Variants in SGPP2 observed in about 807,000 individuals in gnomAD.
The protein encoded by SGPP2 is sphingosine-1-phosphate phosphatase 2.
In SGPP2, 30 loss-of-function variants were observed where a neutral mutation model predicts 33.9. The ratio of observed to expected loss-of-function variants is 0.89; its 90% CI spans 0.66 to 1.20. SGPP2 has a LOEUF of 1.20. Ranked by LOEUF, SGPP2 falls within the 50% of genes most tolerant of loss-of-function variation. The pLI is 0.00. For synonymous variants in SGPP2, 233 were observed against 225.0 expected, an observed-to-expected ratio of 1.04 and a Z score of -0.32; for missense variants, 458 against 532.1, an observed-to-expected ratio of 0.86 and a Z score of 1.37.
At chr2:222,461,016 A>T (rs1166307117) in intron 1 of SGPP2, among the ~76,000 whole-genome samples, 1 of 152,166 alleles carries the variant, frequency 6.6e-6, no homozygotes, top group Non-Finnish European at 1.5e-5. Flanking sequence ...CCTGCCTTCC[A>T]AAGTGCTGGG....
intron 2 of SGPP2, among the ~76,000 whole-genome samples, chr2:222,513,725 G>T (rs1698563285): frequency 6.6e-6 from 1 of 152,188 alleles, no homozygotes; most frequent in African/African-American, 2.4e-5. Context: ...AGAGGAGGAA[G>T]CAATGTGACC....
intron 1 of SGPP2, among the ~76,000 whole-genome samples, chr2:222,446,488 G>C (rs945511466): frequency 3.3e-5 from 5 of 152,220 alleles, no homozygotes; most frequent in Non-Finnish European, 7.3e-5. Flanking sequence ...TAGCTTTCTA[G>C]ATAATGTTTT....
intron 2 of SGPP2, among the ~76,000 whole-genome samples, chr2:222,498,061 G>C (rs1483607494): frequency 6.6e-6 from 1 of 152,076 alleles, no homozygotes; most frequent in Non-Finnish European, 1.5e-5. Context: ...GAGACCACAG[G>C]CTCCTGAGTT....
chr2:222,491,988 T>A (rs1217843326), intron 2 of SGPP2, among the ~76,000 whole-genome samples: 1 of 152,180 alleles, frequency 6.6e-6, no homozygotes, highest in Non-Finnish European at 1.5e-5. Context: ...AGCAGGGCAA[T>A]CATTAAATCT....
At chr2:222,539,339 T>C (rs1255365604) in intron 4 of SGPP2, among the ~76,000 whole-genome samples, 1 of 152,240 alleles carries the variant, frequency 6.6e-6, no homozygotes, top group African/African-American at 2.4e-5. Context: ...GAAACTGGTT[T>C]AGCATTGTTA....
At chr2:222,481,963 C>G (rs1698036523) in intron 2 of SGPP2, among the ~76,000 whole-genome samples, 1 of 152,126 alleles carries the variant, frequency 6.6e-6, no homozygotes, top group African/African-American at 2.4e-5. Flanking sequence ...TCTGATTATG[C>G]TGAAGCTCTG....
intron 2 of SGPP2, among the ~76,000 whole-genome samples, chr2:222,509,653 T>G (rs1046377009): frequency 6.6e-6 from 1 of 152,188 alleles, no homozygotes; most frequent in Non-Finnish European, 1.5e-5. Flanking sequence ...GAAATCAATA[T>G]GTGAAGGCAT....
intron 2 of SGPP2, among the ~76,000 whole-genome samples, chr2:222,493,333 G>A (rs747418127): frequency 3.3e-5 from 5 of 152,204 alleles, no homozygotes; most frequent in African/African-American, 1.2e-4. Context: ...GAGGAAGCAA[G>A]AGCAGGGAAA....
At chr2:222,497,261 T>TC (rs1157017453) in intron 2 of SGPP2, among the ~76,000 whole-genome samples, 1 of 149,562 alleles carries the variant, frequency 6.7e-6, no homozygotes, top group Non-Finnish European at 1.5e-5. Context: ...TTTTTTTTTT[T>TC]TTTTTTTTTT....
intron 2 of SGPP2, among the ~76,000 whole-genome samples, chr2:222,482,192 T>G (rs911686613): frequency 2.0e-5 from 3 of 152,166 alleles, no homozygotes. Context: ...TTCTTAGCTT[T>G]CAGAAACAGA....
chr2:222,546,858 C>T (rs533549436), intron 4 of SGPP2, among the ~76,000 whole-genome samples: 1 of 148,642 alleles, frequency 6.7e-6, no homozygotes, highest in East Asian at 2.0e-4. Flanking sequence ...ATGCCAGAAG[C>T]TCTGATGTGT....
rs1213095309 is a variant in SGPP2 at position 222,476,661 on chromosome 2, T to A, written c.378+1935T>A. Among the ~76,000 whole-genome samples, 1 of 151,980 alleles carries A rather than the reference T, an allele frequency of 6.6e-6. No homozygotes were observed. The highest frequency in any genetic ancestry group is 1.5e-5 in the Non-Finnish European group (1 of 67,964). On this transcript the variant is annotated intron_variant, in intron 2 of 4. Transcript: ENST00000321276. The surrounding 1 kb of genome is among the most constrained non-coding windows in gnomAD (Gnocchi z 4.3). Reference sequence around the variant, plus strand: ...CTATGGGCTTGAGTTTCTTTCCTACTGTCGTTTATTTTCTAAGATGTGTGT... The same window carrying A: ...CTATGGGCTTGAGTTTCTTTCCTACAGTCGTTTATTTTCTAAGATGTGTGT...
chr2:222,477,485 AG>A lies in SGPP2; in HGVS notation c.378+2761del, dbSNP rs1219175871. Among the ~76,000 whole-genome samples, 1 of 151,790 alleles carries A rather than the reference AG, an allele frequency of 6.6e-6. No individual in the cohort carries two copies. Among genetic ancestry groups the A allele is most frequent in the Non-Finnish European group, 1.5e-5 (1 of 67,928 alleles). On this transcript the variant is annotated intron_variant, in intron 2 of 4. Transcript: ENST00000321276. This position sits in a 1 kb window ranked among gnomAD's most constrained non-coding sequence, Gnocchi z 6.0. ...TATATGTGTATGCATGTGTGTATATAGGTGTGTATATATGTTTATGTGTATA... is the reference window on the plus strand; with the variant it reads ...TATATGTGTATGCATGTGTGTATATAGTGTGTATATATGTTTATGTGTATA...
intron 2 of SGPP2, among the ~76,000 whole-genome samples, chr2:222,493,386 T>C (rs1432399952): frequency 6.6e-6 from 1 of 152,160 alleles, no homozygotes; most frequent in Non-Finnish European, 1.5e-5. Flanking sequence ...ACTCACTCAC[T>C]ATCACGAGAA....
At chr2:222,468,369 G>C (rs1383535379) in intron 1 of SGPP2, among the ~76,000 whole-genome samples, 1 of 149,172 alleles carries the variant, frequency 6.7e-6, no homozygotes, top group African/African-American at 2.5e-5. Flanking sequence ...TATTTAATGA[G>C]CCTTTCCTTC....
intron 1 of SGPP2, among the ~76,000 whole-genome samples, chr2:222,435,053 CACATATACACATATACAT>C (rs1697219138): frequency 8.0e-5 from 2 of 24,904 alleles, no homozygotes; most frequent in African/African-American, 1.2e-4. Context: ...TATATATACA[CACATATACACATATACAT>C]ATATATATAC....
intron 1 of SGPP2, among the ~76,000 whole-genome samples, chr2:222,432,051 T>C (rs1385429405): frequency 6.6e-6 from 1 of 152,242 alleles, no homozygotes; most frequent in Non-Finnish European, 1.5e-5. Context: ...TGTGGCTTAC[T>C]GCAGAATTTG....
intron 2 of SGPP2, among the ~76,000 whole-genome samples, chr2:222,519,299 C>T (rs1210656988): frequency 6.6e-6 from 1 of 152,246 alleles, no homozygotes; most frequent in Non-Finnish European, 1.5e-5. Flanking sequence ...TAAGGAGAAT[C>T]CTGAGATGAC....
chr2:222,457,152 T>C (rs539735274), intron 1 of SGPP2, among the ~76,000 whole-genome samples: 1 of 152,172 alleles, frequency 6.6e-6, no homozygotes, highest in African/African-American at 2.4e-5. Flanking sequence ...ATTAATATTA[T>C]AAAATATTCA....
Sources: allele counts gnomAD v4.1 joint callset (sites outside exome capture counted in the v4.1 genomes callset), GRCh38; gene constraint gnomAD v4.1.1; non-coding constraint Gnocchi (gnomAD v3.1); transcripts MANE v1.5; gene names NCBI Gene and HGNC (gene_info 2026-07-23, HGNC 2026-07-21).